KIAA0825: variants seen among roughly 807,000 people sequenced by gnomAD.
KIAA0825 encodes uncharacterized protein KIAA0825.
A neutral mutation model predicts 147.6 loss-of-function variants in KIAA0825; 119 were observed. The ratio of observed to expected loss-of-function variants is 0.81; its 90% CI spans 0.69 to 0.94. KIAA0825 has a LOEUF of 0.94. Ranked by LOEUF, KIAA0825 falls within the 40% of genes least tolerant of loss-of-function variation. The pLI, the probability that KIAA0825 is intolerant of heterozygous loss-of-function variation, is 0.00. For missense variants in KIAA0825, 1,381 were observed against 1,472.7 expected (o/e 0.94, Z 1.02); for synonymous variants, 470 against 518.1 (o/e 0.91, Z 1.26).
chr5:94,285,452 A>G (rs1584017801), intron 20 of KIAA0825, among the ~76,000 whole-genome samples: 1 of 152,290 alleles, frequency 6.6e-6, no homozygotes, highest in East Asian at 1.9e-4. Context: ...TATTTGATAT[A>G]CATGATACTG....
intron 20 of KIAA0825, among the ~76,000 whole-genome samples, chr5:94,209,960 C>T (rs1366952521): frequency 6.6e-6 from 1 of 152,208 alleles, no homozygotes; most frequent in Non-Finnish European, 1.5e-5. Flanking sequence ...CACAGTCTTC[C>T]TTCGCAGAGC....
intron 20 of KIAA0825, among the ~76,000 whole-genome samples, chr5:94,274,203 T>C (rs974086790): frequency 7.2e-5 from 11 of 152,140 alleles, no homozygotes; most frequent in Non-Finnish European, 1.2e-4. Flanking sequence ...AATGGGGTTG[T>C]AGAGTTTCTT....
At chr5:94,420,366 G>A (rs530664944) in intron 14 of KIAA0825, among the ~76,000 whole-genome samples, 66 of 152,100 alleles carry the variant, frequency 4.3e-4, no homozygotes, top group Non-Finnish European at 6.9e-4. Context: ...CACAAAAATA[G>A]TAAGAATATG....
chr5:94,566,397 T>A (rs1455496874), intron 2 of KIAA0825, among the ~76,000 whole-genome samples: 1 of 152,142 alleles, frequency 6.6e-6, no homozygotes, highest in Non-Finnish European at 1.5e-5. Flanking sequence ...GAAACACATA[T>A]TACTAACCAG....
chr5:94,560,790 T>G (rs1282269166), intron 2 of KIAA0825, among the ~76,000 whole-genome samples: 1 of 152,346 alleles, frequency 6.6e-6, no homozygotes, highest in Non-Finnish European at 1.5e-5. Context: ...AAACCTCCCA[T>G]CTGACTTCCA....
chr5:94,189,881 G>T (rs36091096), intron 20 of KIAA0825, among the ~76,000 whole-genome samples: 13,068 of 152,054 alleles, frequency 0.086, 722 homozygotes, highest in Middle Eastern at 0.14. Context: ...TAAAAATATT[G>T]AATCTTCAAT....
At chr5:94,279,008 G>T (rs1194538157) in intron 20 of KIAA0825, among the ~76,000 whole-genome samples, 2 of 151,936 alleles carry the variant, frequency 1.3e-5, no homozygotes, top group Non-Finnish European at 2.9e-5. Context: ...AATACAATAT[G>T]AAATTCTGCC....
chr5:94,528,853 T>A (rs959390986), intron 3 of KIAA0825, among the ~76,000 whole-genome samples: 3 of 151,648 alleles, frequency 2.0e-5, no homozygotes, highest in Admixed American at 1.3e-4. Flanking sequence ...GAAGTCAGAA[T>A]GTGGTTTATC....
At chr5:94,373,510 G>A (rs1231986780) in intron 20 of KIAA0825, among the ~76,000 whole-genome samples, 1 of 152,180 alleles carries the variant, frequency 6.6e-6, no homozygotes, top group Non-Finnish European at 1.5e-5. Context: ...CAATCTTGGT[G>A]GAAGGGGAAG....
intron 20 of KIAA0825, among the ~76,000 whole-genome samples, chr5:94,374,779 G>A (rs993416592): frequency 1.3e-5 from 2 of 152,078 alleles, no homozygotes; most frequent in Admixed American, 1.3e-4. Context: ...AACTCAGTCT[G>A]AAGTTGAGTT....
chr5:94,234,040 G>A (rs1479375255), intron 20 of KIAA0825, among the ~76,000 whole-genome samples: 2 of 152,076 alleles, frequency 1.3e-5, no homozygotes, highest in African/African-American at 4.8e-5. Flanking sequence ...GGTAATCGGC[G>A]ATATTCAAAA....
intron 20 of KIAA0825, among the ~76,000 whole-genome samples, chr5:94,194,876 T>C (rs1416772661): frequency 6.6e-6 from 1 of 152,236 alleles, no homozygotes; most frequent in African/African-American, 2.4e-5. Flanking sequence ...TTGCCATGTG[T>C]TCATCTTTTC....
At chr5:94,576,415 T>C (rs111617681) in intron 2 of KIAA0825, among the ~76,000 whole-genome samples, 18 of 152,252 alleles carry the variant, frequency 1.2e-4, no homozygotes, top group African/African-American at 4.3e-4. Context: ...TATGGATTAC[T>C]AGATTAATGA....
intron 14 of KIAA0825, among the ~76,000 whole-genome samples, chr5:94,424,311 T>G (rs1754562190): frequency 6.6e-6 from 1 of 152,010 alleles, no homozygotes; most frequent in Non-Finnish European, 1.5e-5. Context: ...TCAACAAACT[T>G]TTAAAAATGA....
rs192059146 is a variant in KIAA0825 at position 94,527,236 on chromosome 5, G to T, written c.132-3138C>A. On this transcript the variant is annotated intron_variant, in intron 3 of 20. Coordinates refer to ENST00000682413, the MANE Select transcript of KIAA0825 (RefSeq NM_001145678.3). ...GAGATGTCCTACTATTGGACAGACT[G>T]CATTAAATAACAATAGCAGTCCGGG... 7.2e-4 allele frequency among the ~76,000 whole-genome samples: 110 copies of T among 152,154 alleles called. 1 individual carries two copies. Among genetic ancestry groups the T allele is most frequent in the Non-Finnish European group, 5.3e-4 (36 of 67,932 alleles).
At chr5:94,501,232 C>G (rs1765048103) in intron 5 of KIAA0825, among the ~76,000 whole-genome samples, 1 of 152,170 alleles carries the variant, frequency 6.6e-6, no homozygotes, top group African/African-American at 2.4e-5. Context: ...CATATGACAG[C>G]AAGTCACCTC....
At chr5:94,611,954 C>G (rs1788922197) in intron 1 of KIAA0825, 1 of 151,940 alleles carries the variant, frequency 6.6e-6, no homozygotes, top group South Asian at 2.1e-4. Context: ...CAGAAACAAA[C>G]AAACAAACAA....
At chr5:94,157,502 C>A (rs558088552) in intron 20 of KIAA0825, among the ~76,000 whole-genome samples, 1 of 152,316 alleles carries the variant, frequency 6.6e-6, no homozygotes, top group African/African-American at 2.4e-5. Flanking sequence ...GCAGTTACAA[C>A]TTTGCTCATT....
In KIAA0825 at chr5:94,158,356, C is replaced by T. The variant is rs138392805; in HGVS notation, c.3711-4232G>A. On this transcript the variant is annotated intron_variant, in intron 20 of 20. Coordinates refer to ENST00000682413, the MANE Select transcript of KIAA0825 (RefSeq NM_001145678.3). ...TTTTGGAGGAAGTTTGCCAAATTTGCGCTAGAATGATAGTTCTTAACTGGG... is the reference window on the plus strand; with the variant it reads ...TTTTGGAGGAAGTTTGCCAAATTTGTGCTAGAATGATAGTTCTTAACTGGG... Among the ~76,000 whole-genome samples the T allele has an allele frequency of 5.1e-4, 78 of 152,110 alleles. 1 individual carries two copies. In the South Asian group the frequency reaches 6.6e-3, roughly 13 times the overall value.
Sources: gnomAD v4.1 joint callset for allele counts (sites outside exome capture counted in the v4.1 genomes callset) on GRCh38, gnomAD v4.1.1 for gene constraint, MANE v1.5 for transcripts, NCBI Gene and HGNC (gene_info 2026-07-23, HGNC 2026-07-21) for gene names.